DHX15: variants seen among roughly 807,000 people sequenced by gnomAD.
DHX15 encodes the protein DEAH-box helicase 15.
A neutral mutation model predicts 94.4 loss-of-function variants in DHX15; 11 were observed. That is an observed-to-expected ratio of 0.12 (90% CI 0.07 to 0.19). The LOEUF is 0.19. DHX15 is among the 10% of genes least tolerant of loss of function. The pLI is 1.00. For missense variants in DHX15, 304 were observed against 988.5 expected (o/e 0.31, Z 9.29); for synonymous variants, 338 against 329.9 (o/e 1.02, Z -0.27).
chr4:24,563,675 AC>A (rs1347616286), intron 3 of DHX15, among the ~76,000 whole-genome samples: 3 of 152,184 alleles, frequency 2.0e-5, no homozygotes, highest in Non-Finnish European at 4.4e-5. Flanking sequence ...CCCAGGAACT[AC>A]AAGTTTAAGG....
At chr4:24,549,571 TAC>T (rs1385613681) in intron 5 of DHX15, among the ~76,000 whole-genome samples, 1 of 152,214 alleles carries the variant, frequency 6.6e-6, no homozygotes, top group Non-Finnish European at 1.5e-5. Context: ...CTCAGAAAAC[TAC>T]AGTCACACGT....
At chr4:24,535,837 T>C (rs529593235) in intron 11 of DHX15, among the ~76,000 whole-genome samples, 1 of 152,262 alleles carries the variant, frequency 6.6e-6, no homozygotes, top group East Asian at 1.9e-4. Context: ...TTTAAGAGTA[T>C]AACTGAGATG....
chr4:24,532,806 T>C (rs1471915036), intron 12 of DHX15, 58 bp downstream of exon 12: 2 of 1,324,224 alleles, frequency 1.5e-6, no homozygotes, highest in Admixed American at 2.2e-5. Context: ...AAAGGACTGT[T>C]AATAGAAATC....
At chr4:24,547,945 ATATCTATATC>A (rs1560766001) in intron 6 of DHX15, among the ~76,000 whole-genome samples, 792 of 48,884 alleles carry the variant, frequency 0.016, 16 homozygotes, top group African/African-American at 0.067. Context: ...ATATATATCT[ATATCTATATC>A]TATATCTATC....
rs1223192845 is a variant in DHX15, at chr4:24,528,053, T to C, written c.2271-12A>G. ...CAATTTTCACCAACCTGTTTAGAAGTGGGCAGAAAAATTTCCAAATTAACA... is the reference window on the plus strand; with the variant it reads ...CAATTTTCACCAACCTGTTTAGAAGCGGGCAGAAAAATTTCCAAATTAACA... On this transcript the variant is annotated splice_polypyrimidine_tract_variant and intron_variant, in intron 13 of 13. Coordinates refer to ENST00000336812, the MANE Select transcript of DHX15 (RefSeq NM_001358.3). 1 of 1,596,318 alleles carries C rather than the reference T, an allele frequency of 6.3e-7. No homozygotes were observed. Among genetic ancestry groups the C allele is most frequent in the Non-Finnish European group, 8.6e-7 (1 of 1,164,430 alleles).
chr4:24,529,191 A>G (rs1284594769), intron 13 of DHX15, among the ~76,000 whole-genome samples: 18 of 151,588 alleles, frequency 1.2e-4, no homozygotes. Flanking sequence ...ATGCCCAGCT[A>G]ATTTTTGTAC....
chr4:24,547,723 G>A (rs917476851), intron 6 of DHX15, among the ~76,000 whole-genome samples: 2 of 151,512 alleles, frequency 1.3e-5, no homozygotes, highest in East Asian at 1.9e-4. Context: ...GGCCCAGGAG[G>A]GGGGACTGAT....
intron 6 of DHX15, 81 bp from the exon 7 acceptor site, chr4:24,543,107 C>G: frequency 1.1e-6 from 1 of 909,324 alleles, no homozygotes; most frequent in Non-Finnish European, 1.7e-6. Flanking sequence ...CACTAACTTT[C>G]ACTGACACAA....
chr4:24,557,473 A>C (rs1721762368), intron 3 of DHX15, among the ~76,000 whole-genome samples: 1 of 152,166 alleles, frequency 6.6e-6, no homozygotes, highest in South Asian at 2.1e-4. Context: ...AGCTCATGCC[A>C]TCTGCTGGAG....
intron 3 of DHX15, among the ~76,000 whole-genome samples, chr4:24,569,062 C>T (rs553021774): frequency 2.6e-5 from 4 of 152,192 alleles, no homozygotes; most frequent in East Asian, 1.9e-4. Flanking sequence ...AAAACTGACA[C>T]AAATGTTGAA....
In DHX15 at chr4:24,527,862, CT is replaced by C; in HGVS notation, c.*61del. 1 of 1,262,546 alleles carries C rather than the reference CT, an allele frequency of 7.9e-7. No individual in the cohort carries two copies. The highest frequency in any genetic ancestry group is 1.2e-6 in the Non-Finnish European group (1 of 865,670). The allele number at this position is 1,262,546 out of a possible 1,614,324, so 78.2% of individuals were successfully genotyped here. A position where few individuals can be genotyped will look rare whatever the true frequency, so the allele number is the denominator to read the frequency against. On this transcript the variant is annotated 3_prime_UTR_variant, in exon 14 of 14. Transcript: ENST00000336812. ...ACCAACGTGAAGAGCACAACTCGAACTTTTGAGTTCATTCATCTTTTAAAGC... is the reference window on the plus strand; with the variant it reads ...ACCAACGTGAAGAGCACAACTCGAACTTTGAGTTCATTCATCTTTTAAAGC...
At chr4:24,540,540 T>C (rs911013645) in intron 9 of DHX15, among the ~76,000 whole-genome samples, 5 of 152,052 alleles carry the variant, frequency 3.3e-5, no homozygotes, top group African/African-American at 1.2e-4. Context: ...AATTCATCAA[T>C]GTGTTTATCA....
chr4:24,544,703 G>A (rs950532166), intron 6 of DHX15, among the ~76,000 whole-genome samples: 1 of 152,162 alleles, frequency 6.6e-6, no homozygotes, highest in Admixed American at 6.5e-5. Flanking sequence ...AAAGTAACTG[G>A]AAAGGTTTTA....
intron 7 of DHX15, among the ~76,000 whole-genome samples, chr4:24,542,664 T>A (rs1384141710): frequency 6.6e-6 from 1 of 151,980 alleles, no homozygotes; most frequent in Non-Finnish European, 1.5e-5. Flanking sequence ...ACCCATACTG[T>A]TAAATGAATA....
rs1369359086 is a variant in DHX15, at chr4:24,537,214, C to T, written c.1787-41G>A. ...ATGGGCCCAACACAAACGCCCATATCGATGAGTCACGCATTCACAGATAGA... is the reference window on the plus strand; with the variant it reads ...ATGGGCCCAACACAAACGCCCATATTGATGAGTCACGCATTCACAGATAGA... On this transcript the variant is annotated intron_variant, in intron 10 of 13. Transcript: ENST00000336812. This position sits in a 1 kb window ranked among gnomAD's most constrained non-coding sequence, Gnocchi z 4.7. The T allele has an allele frequency of 2.5e-6, 4 of 1,610,902 alleles. No homozygotes were observed. The highest frequency in any genetic ancestry group is 1.1e-5 in the South Asian group (1 of 90,664).
chr4:24,559,061 A>G (rs1414326861), intron 3 of DHX15, among the ~76,000 whole-genome samples: 1 of 152,176 alleles, frequency 6.6e-6, no homozygotes, highest in Non-Finnish European at 1.5e-5. Flanking sequence ...TAATTAAGTT[A>G]TAAATTTCAG....
intron 1 of DHX15, among the ~76,000 whole-genome samples, chr4:24,580,487 C>G (rs1722385955): frequency 6.6e-6 from 1 of 150,450 alleles, no homozygotes; most frequent in Non-Finnish European, 1.5e-5. Flanking sequence ...TCATCAAAAT[C>G]ATGATATTTT....
chr4:24,560,736 A>G (rs1422466217), intron 3 of DHX15, among the ~76,000 whole-genome samples: 3 of 152,230 alleles, frequency 2.0e-5, no homozygotes, highest in African/African-American at 7.2e-5. Context: ...ATTTTAAAAT[A>G]GCACCTTAAA....
chr4:24,539,254 T>G (rs1453937482), intron 10 of DHX15: 2 of 152,202 alleles, frequency 1.3e-5, no homozygotes, highest in African/African-American at 4.8e-5. Flanking sequence ...TTTGCAGCAT[T>G]AAGTTCAATA....
Sources: gnomAD v4.1 joint callset for allele counts (sites outside exome capture counted in the v4.1 genomes callset) on GRCh38, gnomAD v4.1.1 for gene constraint, Gnocchi (gnomAD v3.1) non-coding constraint, MANE v1.5 for transcripts, NCBI Gene and HGNC (gene_info 2026-07-23, HGNC 2026-07-21) for gene names.